The following CNKSR2 variants were observed in gnomAD, a reference collection of about 807,000 sequenced individuals.
The protein encoded by CNKSR2 is connector enhancer of kinase suppressor of Ras 2.
CNKSR2 carries 14 observed loss-of-function variants against 84.4 expected under a neutral mutation model. The ratio of observed to expected loss-of-function variants is 0.17; its 90% CI spans 0.11 to 0.26. CNKSR2 has a LOEUF of 0.26. CNKSR2 is among the 10% of genes least tolerant of loss of function. The pLI is 1.00. For missense variants in CNKSR2, 485 were observed against 771.2 expected (o/e 0.63, Z 4.40); for synonymous variants, 275 against 277.9 (o/e 0.99, Z 0.10).
chrX:21,528,767 A>T lies in CNKSR2; in HGVS notation c.1091+1767A>T, dbSNP rs769725442. 1.3e-3 allele frequency among the ~76,000 whole-genome samples: 146 copies of T among 111,302 alleles called. 4 individuals carry two copies. The Admixed American group carries it at 0.014, about 11-fold the overall frequency. On this transcript the variant is annotated intron_variant, in intron 10 of 21. Transcript: ENST00000379510. ...CTGATTCTTAGTTGGTCAGTGTATA[A>T]TTTAACAGAATATTCTAAATACATT...
chrX:21,611,847 T>G (rs887198520), intron 20 of CNKSR2, among the ~76,000 whole-genome samples: 1 of 111,563 alleles, frequency 9.0e-6, no homozygotes, highest in Non-Finnish European at 1.9e-5. Context: ...TTGTGGGATG[T>G]TTCGTGCTAT....
intron 9 of CNKSR2, among the ~76,000 whole-genome samples, chrX:21,520,489 C>A (rs1051200442): frequency 3.8e-5 from 4 of 104,539 alleles, no homozygotes; most frequent in East Asian, 3.0e-4. Flanking sequence ...GAAAAAAAAA[C>A]AAAGAATTGT....
intron 1 of CNKSR2, among the ~76,000 whole-genome samples, chrX:21,384,525 G>A (rs945745202): frequency 2.2e-4 from 25 of 111,814 alleles, no homozygotes; most frequent in Admixed American, 2.0e-3. Flanking sequence ...GTAAAAACCT[G>A]TTAATTGAGA....
chrX:21,589,134 C>A (rs1404820701), intron 13 of CNKSR2, among the ~76,000 whole-genome samples: 1 of 111,420 alleles, frequency 9.0e-6, no homozygotes, highest in Non-Finnish European at 1.9e-5. Context: ...TATGTGTGTA[C>A]ACACACACAC....
intron 2 of CNKSR2, 77 bp from the exon 3 acceptor site, chrX:21,432,535 A>G (rs2090647747): frequency 1.4e-6 from 1 of 736,503 alleles, no homozygotes; most frequent in Non-Finnish European, 2.1e-6. Flanking sequence ...CCTGTGCATA[A>G]TAAAGTATTC....
intron 4 of CNKSR2, among the ~76,000 whole-genome samples, chrX:21,446,490 G>A (rs1204983689): frequency 9.0e-6 from 1 of 110,926 alleles, no homozygotes; most frequent in African/African-American, 3.3e-5. Context: ...TGACATCATT[G>A]CATACTAATA....
intron 1 of CNKSR2, among the ~76,000 whole-genome samples, chrX:21,402,429 C>G (rs2090203796): frequency 9.0e-6 from 1 of 111,010 alleles, no homozygotes; most frequent in South Asian, 3.7e-4. Flanking sequence ...TATTTTAAAA[C>G]AGTATGTTTG....
intron 4 of CNKSR2, among the ~76,000 whole-genome samples, chrX:21,443,477 TA>T (rs2090812974): frequency 9.0e-6 from 1 of 111,638 alleles, no homozygotes; most frequent in Middle Eastern, 4.7e-3. Flanking sequence ...ATATGCTTTT[TA>T]CCTGAACTGG....
At chrX:21,385,981 G>GAGTT (rs1335392969) in intron 1 of CNKSR2, among the ~76,000 whole-genome samples, 1 of 88,156 alleles carries the variant, frequency 1.1e-5, no homozygotes, top group African/African-American at 4.5e-5. Flanking sequence ...GTGACCCCTA[G>GAGTT]AGTTTGATGT....
At position 21,374,627 on chromosome X, in the gene CNKSR2, A is replaced by AGCAGCAGCAGCAGCC. The variant is rs1555910433; in HGVS notation, c.-266_-265insAGCAGCAGCCGCAGC. The AGCAGCAGCAGCAGCC allele has an allele frequency of 1.0e-5, 5 of 492,290 alleles. No individual in the cohort carries two copies. The highest frequency in any genetic ancestry group is 1.4e-5 in the Non-Finnish European group (4 of 281,769). The allele number at this position is 492,290 out of a possible 1,213,427, so 40.6% of individuals were successfully genotyped here. A position where few individuals can be genotyped will look rare whatever the true frequency, so the allele number is the denominator to read the frequency against. On this transcript the variant is annotated 5_prime_UTR_variant, in exon 1 of 22. Coordinates refer to ENST00000379510, the MANE Select transcript of CNKSR2 (RefSeq NM_014927.5). The stretch of plus-strand genomic sequence containing the variant: ...CAGCAGCAGCAGCAGCAGCAGCAGC[A>AGCAGCAGCAGCAGCC]GCAGCCGCCGCCGCCGCCGCCTTAG...
intron 5 of CNKSR2, among the ~76,000 whole-genome samples, chrX:21,480,538 A>T (rs1411555948): frequency 2.7e-5 from 3 of 112,063 alleles, no homozygotes; most frequent in African/African-American, 9.7e-5. Flanking sequence ...GGAACCTGCC[A>T]CAAGCCTGCT....
intron 1 of CNKSR2, 64 bp downstream of exon 1, chrX:21,375,025 AG>A (rs1377349246): frequency 1.3e-5 from 12 of 946,745 alleles, no homozygotes; most frequent in Non-Finnish European, 1.7e-5. Context: ...CGAGGTTAGG[AG>A]GGGGCGCCCG....
At chrX:21,618,376 A>G (rs1310478686) in intron 20 of CNKSR2, among the ~76,000 whole-genome samples, 1 of 111,738 alleles carries the variant, frequency 8.9e-6, no homozygotes, top group African/African-American at 3.3e-5. Flanking sequence ...TCCCACTACT[A>G]TGTCATTCAA....
chrX:21,601,734 C>CT (rs914647853), intron 18 of CNKSR2, among the ~76,000 whole-genome samples: 1 of 112,218 alleles, frequency 8.9e-6, no homozygotes, highest in African/African-American at 3.2e-5. Context: ...ATGAGATGAT[C>CT]TTTTCTTTCT....
At chrX:21,426,747 C>A in intron 2 of CNKSR2, 87 bp downstream of exon 2, 1 of 1,006,890 alleles carries the variant, frequency 9.9e-7, no homozygotes, top group Non-Finnish European at 1.3e-6. Context: ...TTTTGATAAT[C>A]GAAATGCAAA....
intron 1 of CNKSR2, among the ~76,000 whole-genome samples, chrX:21,389,028 T>C (rs1401254191): frequency 1.8e-5 from 2 of 108,144 alleles, no homozygotes; most frequent in Non-Finnish European, 3.8e-5. Context: ...ATCTCTGTGG[T>C]CTTTCTTTAC....
intron 11 of CNKSR2, among the ~76,000 whole-genome samples, chrX:21,536,863 G>T (rs2091933039): frequency 4.4e-5 from 4 of 90,568 alleles, no homozygotes; most frequent in Admixed American, 1.2e-4. Context: ...ATTTAGTTCT[G>T]CTCTGATCTT....
rs1682700323 is a variant in CNKSR2, at chrX:21,601,311, C to A, written c.2006C>A (p.Ala669Glu). The A allele has an allele frequency of 8.5e-7, 1 of 1,170,302 alleles. No homozygotes were observed. Among genetic ancestry groups the A allele is most frequent in the Non-Finnish European group, 1.2e-6 (1 of 863,655 alleles). The change falls in exon 18 of 22, where the codon GCA becomes GAA. Residue 669 changes from alanine (A) to glutamate (E), a missense_variant. Physicochemically the swap from Ala to Glu is moderately radical, Grantham distance 107. Coordinates refer to ENST00000379510, the MANE Select transcript of CNKSR2 (RefSeq NM_014927.5). ...RWLNRINMLT[A>E]GYAERERIKQ... is the part of the protein sequence containing the mutation. ...CTTAACAGAATTAATATGCTGACTG[C>A]AGGATATGCAGAAAGAGAGAGGATT...
intron 4 of CNKSR2, among the ~76,000 whole-genome samples, chrX:21,449,347 G>A (rs767864685): frequency 2.8e-5 from 3 of 105,914 alleles, no homozygotes; most frequent in African/African-American, 1.0e-4. Context: ...GACTAGATTT[G>A]CAAGGAGGTA....
Sources: gnomAD v4.1 joint callset for allele counts (sites outside exome capture counted in the v4.1 genomes callset) on GRCh38, gnomAD v4.1.1 for gene constraint, MANE v1.5 for transcripts, NCBI Gene and HGNC (gene_info 2026-07-23, HGNC 2026-07-21) for gene names.